The following TG variants were observed in gnomAD, a reference collection of about 807,000 sequenced individuals.
TG encodes thyroid hormones.
A neutral mutation model predicts 324.7 loss-of-function variants in TG; 270 were observed. The observed-to-expected ratio is 0.83, with a 90% CI of 0.75 to 0.92. The LOEUF (loss-of-function observed/expected upper bound fraction) is 0.92, where lower values mean the gene tolerates loss of function less well. Ranked by LOEUF, TG falls within the 40% of genes least tolerant of loss-of-function variation. TG has a pLI of 0.00. For missense variants in TG, 3,591 were observed against 3,456.4 expected (o/e 1.04, Z -0.98); for synonymous variants, 1,401 against 1,327.0 (o/e 1.06, Z -1.21).
At chr8:133,005,861 A>T (rs180770344) in intron 35 of TG, among the ~76,000 whole-genome samples, 81 of 152,316 alleles carry the variant, frequency 5.3e-4, no homozygotes, top group African/African-American at 1.9e-3. Flanking sequence ...GCCAGTGAGC[A>T]TGGAGGGCAT....
Position 132,875,570 on chromosome 8 carries a change from CAGTGCTTA to C in TG, c.638+2352_638+2359del, listed in dbSNP as rs202023388. Among the ~76,000 whole-genome samples the C allele has an allele frequency of 6.8e-4, 104 of 152,310 alleles. 3 individuals are homozygous for C. The East Asian group carries it at 0.018, about 27-fold the overall frequency. On this transcript the variant is annotated intron_variant, in intron 5 of 47. Transcript: ENST00000220616. The stretch of plus-strand genomic sequence containing the variant: ...GCCTTGCACACAGCAGGTCTGGAAT[CAGTGCTTA>C]AGGAATTGGTGAATGCATCCAAGAC...
intron 44 of TG, 125 bp downstream of exon 44, chr8:133,113,728 A>G (rs1850462287): frequency 2.7e-6 from 3 of 1,122,074 alleles, no homozygotes; most frequent in Admixed American, 2.1e-5. Flanking sequence ...CCTCTGCATC[A>G]TTCATTCAGC....
At chr8:132,957,766 C>CACACACACACACACACAG (rs1554680127) in intron 27 of TG, among the ~76,000 whole-genome samples, 3,157 of 145,560 alleles carry the variant, frequency 0.022, 76 homozygotes, top group African/African-American at 0.047. Flanking sequence ...CACACACACA[C>CACACACACACACACACAG]ACACACACAC....
chr8:133,127,730 C>A (rs965683654), intron 45 of TG, among the ~76,000 whole-genome samples: 2 of 152,146 alleles, frequency 1.3e-5, no homozygotes, highest in African/African-American at 4.8e-5. Flanking sequence ...GTTCCAATTG[C>A]ACTTCTTAGC....
At chr8:133,056,726 G>A (rs959487567) in intron 41 of TG, among the ~76,000 whole-genome samples, 1 of 152,226 alleles carries the variant, frequency 6.6e-6, no homozygotes. Context: ...ACTGTGTCTG[G>A]AGGCTGTGAG....
At chr8:132,983,520 C>T (rs868521581) in intron 35 of TG, 108 bp downstream of exon 35, 70 of 1,098,498 alleles carry the variant, frequency 6.4e-5, no homozygotes, top group Non-Finnish European at 8.8e-5. Flanking sequence ...GCATATCACT[C>T]GCATTAATTC....
intron 44 of TG, among the ~76,000 whole-genome samples, chr8:133,113,917 C>A (rs1182070617): frequency 1.3e-5 from 2 of 152,214 alleles, no homozygotes; most frequent in African/African-American, 4.8e-5. Flanking sequence ...GCCTGGTGCA[C>A]GCTCCACCTG....
In TG at chr8:132,941,423, A is replaced by G. The variant is rs1184632929; in HGVS notation, c.5114A>G (p.Tyr1705Cys). 2 of 1,614,254 alleles carry G rather than the reference A, an allele frequency of 1.2e-6. No individual in the cohort carries two copies. Among genetic ancestry groups the G allele is most frequent in the Admixed American group, 1.7e-5 (1 of 60,026 alleles). The change falls in exon 26 of 48, where the codon TAC becomes TGC. Residue 1705 changes from tyrosine (Y) to cysteine (C), a missense_variant. Transcript: ENST00000220616. Reference protein sequence around the residue: ...TGFQNMLSGLYNPIVFSASGA... With the variant: ...TGFQNMLSGLCNPIVFSASGA... Reference sequence around the variant, plus strand: ...TTCCAAAACATGCTTTCTGGATTGTACAACCCCATTGTGTTCTCAGCCTCA... The same window carrying G: ...TTCCAAAACATGCTTTCTGGATTGTGCAACCCCATTGTGTTCTCAGCCTCA...
At chr8:133,079,048 A>C (rs1416685491) in intron 41 of TG, among the ~76,000 whole-genome samples, 3 of 152,196 alleles carry the variant, frequency 2.0e-5, no homozygotes, top group Non-Finnish European at 4.4e-5. Flanking sequence ...ATCAGATTCC[A>C]TCCCAGCAGC....
chr8:132,880,562 A>G (rs1814512161), intron 5 of TG, among the ~76,000 whole-genome samples: 1 of 152,230 alleles, frequency 6.6e-6, no homozygotes, highest in Non-Finnish European at 1.5e-5. Flanking sequence ...ACACAGAACA[A>G]TAGATTAATA....
At position 132,888,119 on chromosome 8, in the gene TG, A is replaced by C; in HGVS notation, c.2312A>C (p.Gln771Pro). 6.2e-7 allele frequency: 1 copy of C among 1,614,120 alleles called. No individual in the cohort carries two copies. Among genetic ancestry groups the C allele is most frequent in the Non-Finnish European group, 8.5e-7 (1 of 1,180,006 alleles). The change falls in exon 10 of 48, where the codon CAA (glutamine) becomes CCA (proline). Residue 771 changes from glutamine (Q) to proline (P), a missense_variant. By Grantham distance (76) the Gln-to-Pro change is moderately conservative. Transcript: ENST00000220616. ...PQCSTDGQWR[Q>P]VQCNGPPEQV... is the part of the protein sequence containing the mutation. Reference sequence around the variant, plus strand: ...TGCAGCACCGATGGGCAGTGGAGACAAGTGCAATGCAATGGGCCTCCTGAG... The same window carrying C: ...TGCAGCACCGATGGGCAGTGGAGACCAGTGCAATGCAATGGGCCTCCTGAG...
In TG at chr8:132,886,772, T is replaced by C; in HGVS notation, c.1400T>C (p.Leu467Pro). 1 of 1,614,168 alleles carries C rather than the reference T, an allele frequency of 6.2e-7. No individual in the cohort carries two copies. Among genetic ancestry groups the C allele is most frequent in the Non-Finnish European group, 8.5e-7 (1 of 1,180,030 alleles). ...CAGTTTACCACCAACCCAAAGAGAC[T>C]CCAGCAAAACCTTTTTGGAGGGAAA... ...ALQFTTNPKR[L>P]QQNLFGGKFL... is the part of the protein sequence containing the mutation. The change falls in exon 9 of 48, where the codon CTC becomes CCC. Residue 467 changes from leucine (L) to proline (P), a missense_variant. Transcript: ENST00000220616.
At chr8:132,982,660 G>C (rs1230579487) in intron 34 of TG, among the ~76,000 whole-genome samples, 1 of 152,098 alleles carries the variant, frequency 6.6e-6, no homozygotes, top group Non-Finnish European at 1.5e-5. Context: ...TTGCTGAGCT[G>C]GTATCTTATG....
At chr8:133,015,479 A>C (rs1447232096) in intron 37 of TG, among the ~76,000 whole-genome samples, 2 of 152,212 alleles carry the variant, frequency 1.3e-5, no homozygotes, top group African/African-American at 4.8e-5. Context: ...TGAAAGAGAT[A>C]ACTTCACATC....
Position 132,948,879 on chromosome 8 carries a change from T to A in TG, c.5337T>A (p.Gly1779=), listed in dbSNP as rs770664698. ...CCTGGGCTAATGCTACATGTCCTGG[T>A]GTGACATATGACCAGGAGAGCCACC... ...SEAWANATCP[G]VTYDQESHQV... Residue 1779 remains glycine (G), a synonymous_variant, in exon 27 of 48, where the codon GGT becomes GGA. Transcript: ENST00000220616. 1.9e-6 allele frequency: 3 copies of A among 1,614,076 alleles called. No homozygotes were observed. Among genetic ancestry groups the A allele is most frequent in the Non-Finnish European group, 2.5e-6 (3 of 1,180,014 alleles).
At chr8:132,971,662 A>T in intron 32 of TG, 132 bp from the exon 33 acceptor site, 2 of 713,740 alleles carry the variant, frequency 2.8e-6, no homozygotes, top group South Asian at 3.0e-5. Flanking sequence ...TGACCAAAGC[A>T]CCCCCAGTTT....
intron 16 of TG, among the ~76,000 whole-genome samples, chr8:132,904,313 C>G (rs1187642379): frequency 1.3e-5 from 2 of 152,210 alleles, no homozygotes; most frequent in Non-Finnish European, 2.9e-5. Context: ...GTCCAATCAC[C>G]AACACATGTC....
intron 5 of TG, among the ~76,000 whole-genome samples, chr8:132,879,733 C>A (rs1814380461): frequency 6.6e-6 from 1 of 152,080 alleles, no homozygotes; most frequent in Admixed American, 6.5e-5. Flanking sequence ...AGGGTGATCT[C>A]CAATGTGCGG....
intron 41 of TG, among the ~76,000 whole-genome samples, chr8:133,092,691 C>T (rs1396748714): frequency 1.3e-5 from 2 of 152,138 alleles, no homozygotes; most frequent in African/African-American, 2.4e-5. Flanking sequence ...GGGTTCAAAC[C>T]GAGCCCTTCT....
Sources: gnomAD v4.1 joint callset for allele counts (sites outside exome capture counted in the v4.1 genomes callset) on GRCh38, gnomAD v4.1.1 for gene constraint, MANE v1.5 for transcripts, NCBI Gene and HGNC (gene_info 2026-07-23, HGNC 2026-07-21) for gene names.